The following RBPJ variants were observed in gnomAD, a reference collection of about 807,000 sequenced individuals.
RBPJ encodes the protein recombination signal binding protein for immunoglobulin kappa J region, also known as recombining binding protein suppressor of hairless.
Under a neutral mutation model 67.8 loss-of-function variants are expected in RBPJ, and 9 were observed. That is an observed-to-expected ratio of 0.13 (90% CI 0.08 to 0.23). The LOEUF is 0.23. Ranked by LOEUF, RBPJ falls within the 10% of genes least tolerant of loss-of-function variation. RBPJ has a pLI of 1.00. For missense variants in RBPJ, 305 were observed against 595.6 expected, an observed-to-expected ratio of 0.51 and a Z score of 5.08; for synonymous variants, 198 against 203.3, an observed-to-expected ratio of 0.97 and a Z score of 0.22.
chr4:26,389,907 A>G (rs939154873), intron 2 of RBPJ, among the ~76,000 whole-genome samples: 5 of 152,184 alleles, frequency 3.3e-5, no homozygotes, highest in Admixed American at 3.3e-4. Flanking sequence ...TCTTTCAGAA[A>G]ATTGGAGAGC....
In RBPJ at chr4:26,432,542, C is replaced by T. The variant is rs1373939712; in HGVS notation, c.*1535C>T. On this transcript the variant is annotated 3_prime_UTR_variant, in exon 11 of 11. Transcript: ENST00000355476. ...GTAGGTTGGCCTTGCTTGCTAACCC[C>T]GCCGGTTTTACCGTGCTTTCATTCC... 7.2e-5 allele frequency: 11 copies of T among 152,112 alleles called. No homozygotes were observed. Among genetic ancestry groups the T allele is most frequent in the Admixed American group, 3.3e-4 (5 of 15,274 alleles). 9.4% of individuals were successfully genotyped at this position (152,112 alleles called of 1,614,324 possible).
At chr4:26,311,996 A>G (rs1308057432) in intron 1 of RBPJ, among the ~76,000 whole-genome samples, 2 of 152,160 alleles carry the variant, frequency 1.3e-5, no homozygotes, top group African/African-American at 4.8e-5. Flanking sequence ...GCACCCTGTT[A>G]TAAATACCTG....
intron 1 of RBPJ, among the ~76,000 whole-genome samples, chr4:26,184,934 G>C (rs1717177696): frequency 6.6e-6 from 1 of 152,064 alleles, no homozygotes; most frequent in Non-Finnish European, 1.5e-5. Context: ...CTGAGGTCAG[G>C]AGTTCGAGAC....
At chr4:26,391,202 GA>G (rs1240483634) in intron 2 of RBPJ, among the ~76,000 whole-genome samples, 1 of 151,634 alleles carries the variant, frequency 6.6e-6, no homozygotes, top group African/African-American at 2.4e-5. Flanking sequence ...AAATAACCTT[GA>G]AAAAAAGAAA....
At chr4:26,209,806 CCCTTCCTCCTTCCCTCTCCCCCCTT>C (rs1268813295) in intron 1 of RBPJ, among the ~76,000 whole-genome samples, 1 of 26,616 alleles carries the variant, frequency 3.8e-5, no homozygotes, top group Non-Finnish European at 8.7e-5. Context: ...CTCTCTCCCT[CCCTTCCTCCTTCCCTCTCCCCCCTT>C]CCTTCCTCCT....
At chr4:26,130,642 CCA>C in the RBPJ span, among the ~76,000 whole-genome samples, 2 of 152,186 alleles carry the variant, frequency 1.3e-5, no homozygotes, top group East Asian at 1.9e-4. Context: ...CCCCGTAACA[CCA>C]CAGTGTTTCC....
At chr4:26,340,017 T>TAA (rs373424390) in intron 1 of RBPJ, among the ~76,000 whole-genome samples, 1 of 143,560 alleles carries the variant, frequency 7.0e-6, no homozygotes, top group African/African-American at 2.6e-5. Context: ...AGACTCCATC[T>TAA]AAAAAAAAAA....
chr4:26,109,176 T>G, the RBPJ span, among the ~76,000 whole-genome samples: 30 of 150,496 alleles, frequency 2.0e-4, no homozygotes, highest in African/African-American at 6.8e-4. Flanking sequence ...GGTGTGATCT[T>G]GGCTCACTGC....
intron 1 of RBPJ, among the ~76,000 whole-genome samples, chr4:26,206,221 A>T (rs1053718266): frequency 6.6e-6 from 1 of 152,214 alleles, no homozygotes; most frequent in Non-Finnish European, 1.5e-5. Flanking sequence ...TTTTCTTTCA[A>T]AGCAATGGTT....
At chr4:26,232,250 T>C (rs1560221168) in intron 1 of RBPJ, among the ~76,000 whole-genome samples, 1 of 152,214 alleles carries the variant, frequency 6.6e-6, no homozygotes, top group African/African-American at 2.4e-5. Flanking sequence ...TTCCAACTTA[T>C]ATATTTAAGT....
chr4:26,132,041 T>C, the RBPJ span, among the ~76,000 whole-genome samples: 1 of 152,120 alleles, frequency 6.6e-6, no homozygotes, highest in African/African-American at 2.4e-5. Flanking sequence ...TGGACTGGTC[T>C]AGACTGGCTG....
At chr4:26,260,815 T>C (rs1720505092) in intron 1 of RBPJ, among the ~76,000 whole-genome samples, 1 of 152,174 alleles carries the variant, frequency 6.6e-6, no homozygotes, top group East Asian at 1.9e-4. Flanking sequence ...TCCTCTTCCA[T>C]GAAGCCTCCT....
At chr4:26,416,606 T>C (rs746208492) in intron 4 of RBPJ, among the ~76,000 whole-genome samples, 1 of 152,258 alleles carries the variant, frequency 6.6e-6, no homozygotes, top group Admixed American at 6.5e-5. Flanking sequence ...TCCTTGCTAC[T>C]GTACTTTGGA....
chr4:26,320,008 C>A (rs1722850647), upstream of RBPJ: 7 of 846,768 alleles, frequency 8.3e-6, no homozygotes, highest in Non-Finnish European at 1.1e-5. Flanking sequence ...CAGCCGGCAG[C>A]GTCCTCGGCT....
intron 4 of RBPJ, among the ~76,000 whole-genome samples, 190 bp downstream of exon 4, chr4:26,415,830 G>A (rs950389365): frequency 1.1e-4 from 17 of 152,160 alleles, no homozygotes; most frequent in African/African-American, 3.9e-4. Context: ...TTACGCTGCT[G>A]ACATTGGAAG....
upstream of RBPJ, among the ~76,000 whole-genome samples, chr4:26,316,342 T>C (rs1722612611): frequency 6.8e-6 from 1 of 147,396 alleles, no homozygotes; most frequent in Admixed American, 6.9e-5. Context: ...TACATTCATA[T>C]ATACATATTC....
At position 26,411,256 on chromosome 4, in the gene RBPJ, T is replaced by TTAAA. The variant is rs371915967; in HGVS notation, c.156-4198_156-4195dup. ...TGAAAGTCTGACTCTGTCTTTAAAA[T>TTAAA]TAAATAAATAAATAAATAAATAAAG... On this transcript the variant is annotated intron_variant, in intron 3 of 10. Transcript: ENST00000355476. Among the ~76,000 whole-genome samples, 954 of 152,048 alleles carry TTAAA rather than the reference T, an allele frequency of 6.3e-3. 9 individuals carry two copies. The highest frequency in any genetic ancestry group is 0.019 in the African/African-American group (808 of 41,462).
At chr4:26,296,357 G>T (rs1186265893) in intron 1 of RBPJ, among the ~76,000 whole-genome samples, 2 of 152,066 alleles carry the variant, frequency 1.3e-5, no homozygotes, top group Non-Finnish European at 2.9e-5. Context: ...CTCTGCTGTT[G>T]AATGTAGCTG....
intron 1 of RBPJ, among the ~76,000 whole-genome samples, chr4:26,325,276 G>T (rs1250685722): frequency 6.6e-6 from 1 of 152,170 alleles, no homozygotes; most frequent in East Asian, 1.9e-4. Context: ...CGTACTGACA[G>T]CCTCTTTCTG....
Sources: gnomAD v4.1 joint callset for allele counts (sites outside exome capture counted in the v4.1 genomes callset) on GRCh38, gnomAD v4.1.1 for gene constraint, MANE v1.5 for transcripts, NCBI Gene and HGNC (gene_info 2026-07-23, HGNC 2026-07-21) for gene names.